The following ARHGAP44 variants were observed in gnomAD, a reference collection of about 807,000 sequenced individuals.
ARHGAP44 encodes Rho GTPase activating protein 44.
A neutral mutation model predicts 106.8 loss-of-function variants in ARHGAP44; 43 were observed. The observed-to-expected ratio is 0.40, with a 90% confidence interval of 0.32 to 0.52. ARHGAP44 has a LOEUF of 0.52. Ranked by LOEUF, ARHGAP44 falls within the 20% of genes least tolerant of loss-of-function variation. ARHGAP44 has a pLI of 0.48. For missense variants in ARHGAP44, 866 were observed against 1,050.5 expected (o/e 0.82, Z 2.43); for synonymous variants, 439 against 410.3 (o/e 1.07, Z -0.85).
At chr17:12,825,416 T>TTGTGTG (rs35243771) in intron 1 of ARHGAP44, among the ~76,000 whole-genome samples, 4,190 of 148,166 alleles carry the variant, frequency 0.028, 180 homozygotes, top group African/African-American at 0.097. Context: ...AGGAGTGTGT[T>TTGTGTG]TGTGTGTGTG....
At chr17:12,805,421 T>C (rs1176112803) in intron 1 of ARHGAP44, among the ~76,000 whole-genome samples, 2 of 152,330 alleles carry the variant, frequency 1.3e-5, no homozygotes, top group East Asian at 3.9e-4. Flanking sequence ...AGATAGATAT[T>C]TTTATGGCCC....
chr17:12,855,474 A>T (rs2035880754), intron 1 of ARHGAP44, among the ~76,000 whole-genome samples: 1 of 151,156 alleles, frequency 6.6e-6, no homozygotes, highest in South Asian at 2.1e-4. Context: ...TTCTCACCAT[A>T]AGATTCTACA....
At chr17:12,859,511 G>C (rs1164069348) in intron 1 of ARHGAP44, among the ~76,000 whole-genome samples, 1 of 152,138 alleles carries the variant, frequency 6.6e-6, no homozygotes, top group Non-Finnish European at 1.5e-5. Context: ...TTAAGATTTC[G>C]AGTTTGCTTT....
intron 3 of ARHGAP44, among the ~76,000 whole-genome samples, chr17:12,898,368 G>A (rs559883354): frequency 7.9e-5 from 12 of 152,240 alleles, no homozygotes; most frequent in South Asian, 4.1e-4. Context: ...CTATTTCTAG[G>A]AATTGCCTAG....
At chr17:12,920,324 C>T (rs1396955246) in intron 6 of ARHGAP44, among the ~76,000 whole-genome samples, 3 of 122,630 alleles carry the variant, frequency 2.4e-5, no homozygotes, top group African/African-American at 8.1e-5. Flanking sequence ...TGCAGTGAGC[C>T]GAGATCATGC....
At chr17:12,815,338 G>A (rs748133863) in intron 1 of ARHGAP44, among the ~76,000 whole-genome samples, 17 of 152,264 alleles carry the variant, frequency 1.1e-4, no homozygotes, top group South Asian at 2.1e-4. Context: ...AGGGAAATAA[G>A]CAGTTTCCCC....
At chr17:12,984,161 T>C (rs2039898615) in intron 19 of ARHGAP44, among the ~76,000 whole-genome samples, 1 of 152,220 alleles carries the variant, frequency 6.6e-6, no homozygotes, top group South Asian at 2.1e-4. Context: ...GACTCACTCT[T>C]GCTCAGAGAG....
chr17:12,861,860 C>T (rs2036095110), intron 1 of ARHGAP44, among the ~76,000 whole-genome samples: 1 of 151,868 alleles, frequency 6.6e-6, no homozygotes, highest in Non-Finnish European at 1.5e-5. Context: ...GTCTTGAACT[C>T]CTGGCCCCAA....
intron 4 of ARHGAP44, among the ~76,000 whole-genome samples, chr17:12,912,038 G>A (rs542767340): frequency 6.6e-6 from 1 of 152,296 alleles, no homozygotes; most frequent in African/African-American, 2.4e-5. Context: ...ATATAGAGAG[G>A]CACCAAAGAT....
At chr17:12,813,168 G>T (rs1567626878) in intron 1 of ARHGAP44, among the ~76,000 whole-genome samples, 1 of 152,212 alleles carries the variant, frequency 6.6e-6, no homozygotes, top group African/African-American at 2.4e-5. Flanking sequence ...CTCCTGCCCT[G>T]GGTGGGAGTG....
intron 1 of ARHGAP44, among the ~76,000 whole-genome samples, chr17:12,851,747 C>A (rs890820390): frequency 2.0e-5 from 3 of 152,042 alleles, no homozygotes; most frequent in African/African-American, 7.2e-5. Context: ...TCTTTACTTT[C>A]TAAATAGGAG....
chr17:12,902,537 G>C (rs1283570657), intron 3 of ARHGAP44, among the ~76,000 whole-genome samples: 2 of 152,090 alleles, frequency 1.3e-5, no homozygotes, highest in Non-Finnish European at 2.9e-5. Context: ...TCCGTTCTCC[G>C]TGCCTAAAAA....
At chr17:12,882,292 T>A (rs1335769311) in intron 1 of ARHGAP44, among the ~76,000 whole-genome samples, 1 of 152,146 alleles carries the variant, frequency 6.6e-6, no homozygotes, top group African/African-American at 2.4e-5. Context: ...CTGGTTATAT[T>A]AATTTTGTTA....
intron 16 of ARHGAP44, among the ~76,000 whole-genome samples, chr17:12,959,472 T>C (rs1428295961): frequency 3.3e-5 from 5 of 152,252 alleles, no homozygotes; most frequent in African/African-American, 1.2e-4. Flanking sequence ...ACATTCAATT[T>C]AGTTTGCTCA....
intron 1 of ARHGAP44, among the ~76,000 whole-genome samples, chr17:12,815,368 A>G (rs771968020): frequency 6.6e-6 from 1 of 152,184 alleles, no homozygotes; most frequent in Non-Finnish European, 1.5e-5. Context: ...ATAAAAGTGT[A>G]TTGTGTTCAA....
intron 20 of ARHGAP44, chr17:12,985,187 G>C: frequency 2.5e-6 from 1 of 394,296 alleles, no homozygotes; most frequent in East Asian, 4.3e-5. Context: ...GGGGGTTGAA[G>C]ACACTGAGTC....
At chr17:12,981,972 C>A (rs1285345301) in intron 19 of ARHGAP44, among the ~76,000 whole-genome samples, 1 of 152,100 alleles carries the variant, frequency 6.6e-6, no homozygotes, top group South Asian at 2.1e-4. Context: ...GATCGTGCCA[C>A]TGCCTTCCAG....
intron 1 of ARHGAP44, chr17:12,790,192 A>T: frequency 2.6e-6 from 1 of 383,422 alleles, no homozygotes; most frequent in Non-Finnish European, 4.7e-6. Context: ...TTTCCCCGGG[A>T]CTCCCTTCTC....
At chr17:12,800,558 G>A (rs1567619764) in intron 1 of ARHGAP44, among the ~76,000 whole-genome samples, 1 of 152,288 alleles carries the variant, frequency 6.6e-6, no homozygotes, top group East Asian at 1.9e-4. Flanking sequence ...TGAATATTCT[G>A]GAAGTGACGC....
Sources: allele counts gnomAD v4.1 joint callset (sites outside exome capture counted in the v4.1 genomes callset), GRCh38; gene constraint gnomAD v4.1.1; transcripts MANE v1.5; gene names NCBI Gene and HGNC (gene_info 2026-07-23, HGNC 2026-07-21).